The following HDAC9 variants were observed in gnomAD, a reference collection of about 807,000 sequenced individuals.
HDAC9 encodes the protein MEF-2 interacting transcription repressor (MITR) protein.
In HDAC9, 41 loss-of-function variants were observed where a neutral mutation model predicts 139.4. That is an observed-to-expected ratio of 0.29 (90% CI 0.23 to 0.38). The LOEUF is 0.38. HDAC9 is among the 10% of genes least tolerant of loss of function. The probability of loss-of-function intolerance (pLI) is 1.00; values close to 1 mark genes in which losing one functional copy is unlikely to be tolerated. For synonymous variants in HDAC9, 517 were observed against 476.2 expected, an observed-to-expected ratio of 1.09 and a Z score of -1.12; for missense variants, 1,147 against 1,297.0, an observed-to-expected ratio of 0.88 and a Z score of 1.78.
At chr7:18,650,591 A>T (rs983922678) in intron 11 of HDAC9, among the ~76,000 whole-genome samples, 1 of 152,160 alleles carries the variant, frequency 6.6e-6, no homozygotes, top group African/African-American at 2.4e-5. Flanking sequence ...CCTCAGTCAC[A>T]CTGGATAAAA....
At chr7:18,180,014 G>C (rs1298489904) in intron 2 of HDAC9, among the ~76,000 whole-genome samples, 1 of 151,992 alleles carries the variant, frequency 6.6e-6, no homozygotes, top group Non-Finnish European at 1.5e-5. Context: ...TCATCTCCCA[G>C]CTCTGTCACA....
chr7:18,302,602 A>G (rs1439836135), intron 1 of HDAC9, among the ~76,000 whole-genome samples: 1 of 152,212 alleles, frequency 6.6e-6, no homozygotes, highest in Non-Finnish European at 1.5e-5. Context: ...AAATTTATGT[A>G]AAGTTTGAAC....
At chr7:18,491,644 C>T (rs1271267274), upstream of HDAC9, among the ~76,000 whole-genome samples, 4 of 151,878 alleles carry the variant, frequency 2.6e-5, no homozygotes, top group African/African-American at 9.7e-5. Context: ...GAAGAAATTT[C>T]GACATGTTTG....
At chr7:18,695,719 T>C (rs1782993532) in intron 12 of HDAC9, among the ~76,000 whole-genome samples, 1 of 152,208 alleles carries the variant, frequency 6.6e-6, no homozygotes. Context: ...TATCCTCACC[T>C]GAACTTTCTT....
chr7:18,174,321 A>T (rs979266881), intron 2 of HDAC9, among the ~76,000 whole-genome samples: 2 of 152,106 alleles, frequency 1.3e-5, no homozygotes, highest in African/African-American at 4.8e-5. Flanking sequence ...GGTCTTCTCT[A>T]CACTGTTTAT....
chr7:18,351,360 AT>A (rs1313827229), intron 1 of HDAC9, among the ~76,000 whole-genome samples: 4 of 152,124 alleles, frequency 2.6e-5, no homozygotes, highest in African/African-American at 9.6e-5. Context: ...TTGTTTTCCA[AT>A]TTCATTCTGT....
chr7:18,147,494 A>G (rs1346712111), intron 1 of HDAC9, among the ~76,000 whole-genome samples: 2 of 152,156 alleles, frequency 1.3e-5, no homozygotes, highest in East Asian at 1.9e-4. Context: ...TGGTGGACAC[A>G]TGGAAAATAC....
At chr7:18,442,738 A>G (rs1221866943) in intron 1 of HDAC9, among the ~76,000 whole-genome samples, 3 of 152,178 alleles carry the variant, frequency 2.0e-5, no homozygotes, top group Admixed American at 6.6e-5. Flanking sequence ...GTCATGGAAA[A>G]GCTGTATTTT....
At chr7:18,989,993 G>A (rs551822204) in intron 25 of HDAC9, among the ~76,000 whole-genome samples, 44 of 151,714 alleles carry the variant, frequency 2.9e-4, no homozygotes, top group African/African-American at 4.8e-4. Context: ...TTTGCCTTTC[G>A]TTTGAATGTC....
intron 1 of HDAC9, among the ~76,000 whole-genome samples, chr7:18,115,046 C>G (rs1449400642): frequency 6.6e-6 from 1 of 152,182 alleles, no homozygotes; most frequent in Non-Finnish European, 1.5e-5. Flanking sequence ...AATCCCAGCA[C>G]TTTGAGAGGC....
chr7:18,208,009 C>T (rs374301631), intron 2 of HDAC9, among the ~76,000 whole-genome samples: 9 of 152,158 alleles, frequency 5.9e-5, no homozygotes, highest in East Asian at 3.9e-4. Flanking sequence ...CCACTGTGCT[C>T]GGCCTATTTA....
At chr7:18,852,157 C>A (rs953146419) in intron 21 of HDAC9, among the ~76,000 whole-genome samples, 3 of 152,210 alleles carry the variant, frequency 2.0e-5, no homozygotes, top group Non-Finnish European at 2.9e-5. Context: ...AGCTGACTTT[C>A]TCCCATGTGC....
At chr7:18,683,314 T>A (rs1445516806) in intron 12 of HDAC9, among the ~76,000 whole-genome samples, 1 of 152,096 alleles carries the variant, frequency 6.6e-6, no homozygotes, top group South Asian at 2.1e-4. Context: ...GTGTCGTTTG[T>A]GCCACTATGG....
chr7:18,959,992 AATC>A (rs1233396755), intron 24 of HDAC9, among the ~76,000 whole-genome samples: 1 of 140,100 alleles, frequency 7.1e-6, no homozygotes, highest in Non-Finnish European at 1.5e-5. Context: ...GAGTATAGCT[AATC>A]CTCTGTTGTT....
At chr7:18,363,661 A>C (rs772061656) in intron 1 of HDAC9, among the ~76,000 whole-genome samples, 4 of 152,134 alleles carry the variant, frequency 2.6e-5, no homozygotes, top group Non-Finnish European at 5.9e-5. Context: ...TTCTGTTTCT[A>C]ATTTGCCCCT....
intron 2 of HDAC9, among the ~76,000 whole-genome samples, chr7:18,241,106 A>G (rs1794158789): frequency 6.6e-6 from 1 of 152,168 alleles, no homozygotes; most frequent in Non-Finnish European, 1.5e-5. Context: ...TCTAGGTCTT[A>G]AAGGCCAGGG....
At chr7:18,717,053 A>C (rs1405861058) in intron 12 of HDAC9, among the ~76,000 whole-genome samples, 1 of 147,598 alleles carries the variant, frequency 6.8e-6, no homozygotes, top group African/African-American at 2.5e-5. Context: ...CTAGGCAAAA[A>C]CTCCTGTTTA....
chr7:18,713,252 A>G (rs1784470973), intron 12 of HDAC9, among the ~76,000 whole-genome samples: 1 of 152,182 alleles, frequency 6.6e-6, no homozygotes, highest in African/African-American at 2.4e-5. Context: ...GAATCTGCAT[A>G]CCTTTGGTTG....
intron 2 of HDAC9, among the ~76,000 whole-genome samples, chr7:18,521,589 C>A (rs1034802010): frequency 6.6e-6 from 1 of 152,096 alleles, no homozygotes; most frequent in Non-Finnish European, 1.5e-5. Flanking sequence ...TCCCAAATGG[C>A]ATTTATCACC....
Sources: gnomAD v4.1 joint callset for allele counts (sites outside exome capture counted in the v4.1 genomes callset) on GRCh38, gnomAD v4.1.1 for gene constraint, MANE v1.5 for transcripts, NCBI Gene and HGNC (gene_info 2026-07-23, HGNC 2026-07-21) for gene names.